Variants in LRRTM4 observed in about 807,000 individuals in gnomAD.
The protein encoded by LRRTM4 is leucine rich repeat transmembrane neuronal 4.
LRRTM4 carries 25 observed loss-of-function variants against 47.6 expected under a neutral mutation model. The ratio of observed to expected loss-of-function variants is 0.53; its 90% confidence interval spans 0.38 to 0.73. The LOEUF (loss-of-function observed/expected upper bound fraction) is 0.73. Among genes scored for constraint, LRRTM4 ranks in the 30% least tolerant of loss-of-function variants. The probability of loss-of-function intolerance (pLI) is 0.00; values close to 1 mark genes in which losing one functional copy is unlikely to be tolerated. For synonymous variants in LRRTM4, 311 were observed against 269.5 expected (o/e 1.15, Z -1.51); for missense variants, 638 against 713.4 (o/e 0.89, Z 1.20).
intron 3 of LRRTM4, among the ~76,000 whole-genome samples, chr2:76,984,381 G>T (rs985288663): frequency 6.6e-6 from 1 of 151,930 alleles, no homozygotes; most frequent in South Asian, 2.1e-4. Context: ...ATTACTAGAT[G>T]TTTATGTCAA....
intron 3 of LRRTM4, among the ~76,000 whole-genome samples, chr2:77,366,781 T>C (rs1276634789): frequency 2.6e-5 from 4 of 151,910 alleles, no homozygotes; most frequent in African/African-American, 4.8e-5. Flanking sequence ...ACTATATTTA[T>C]TAAACATCAT....
At position 77,468,731 on chromosome 2, in the gene LRRTM4, C is replaced by T. The variant is rs138132048; in HGVS notation, c.1551+49587G>A. Among the ~76,000 whole-genome samples the T allele has an allele frequency of 1.0e-3, 155 of 152,230 alleles. 1 individual carries two copies. Among genetic ancestry groups the T allele is most frequent in the African/African-American group, 3.5e-3 (146 of 41,548 alleles). ...TAGAGGGCATCACATACTACCCTGG[C>T]TCTCTCCCTGCTCTCCTCCTGGTGC... On this transcript the variant is annotated intron_variant, in intron 3 of 3. Transcript: ENST00000409884.
intron 3 of LRRTM4, among the ~76,000 whole-genome samples, chr2:77,010,346 AT>A (rs59415402): frequency 0.38 from 58,211 of 151,380 alleles, 11,571 homozygotes; most frequent in East Asian, 0.53. Context: ...TATGAGTTTG[AT>A]TTTTTTTACA....
intron 3 of LRRTM4, among the ~76,000 whole-genome samples, chr2:77,452,301 A>C (rs1445435171): frequency 6.6e-6 from 1 of 152,196 alleles, no homozygotes; most frequent in Admixed American, 6.5e-5. Context: ...GAAGTTGACA[A>C]ACTCAGCATA....
At chr2:77,215,898 C>CT (rs894874651) in intron 3 of LRRTM4, among the ~76,000 whole-genome samples, 2 of 152,114 alleles carry the variant, frequency 1.3e-5, no homozygotes, top group African/African-American at 4.8e-5. Context: ...AGTATTATTT[C>CT]TTTTTAGAAT....
At chr2:77,066,322 A>G (rs1679952780) in intron 3 of LRRTM4, among the ~76,000 whole-genome samples, 1 of 152,224 alleles carries the variant, frequency 6.6e-6, no homozygotes, top group Admixed American at 6.5e-5. Flanking sequence ...AAGTGGATAA[A>G]ACAAAAAAAG....
chr2:77,476,817 G>C (rs925031958), intron 3 of LRRTM4, among the ~76,000 whole-genome samples: 1 of 152,034 alleles, frequency 6.6e-6, no homozygotes, highest in African/African-American at 2.4e-5. Context: ...AAAAAAATAA[G>C]TAAATGGTGG....
chr2:76,802,713 T>C (rs1675765250), intron 3 of LRRTM4, among the ~76,000 whole-genome samples: 1 of 152,074 alleles, frequency 6.6e-6, no homozygotes, highest in African/African-American at 2.4e-5. Flanking sequence ...CTTCAAAGTA[T>C]ACTACAAAGC....
chr2:77,229,945 C>T (rs747141747), intron 3 of LRRTM4, among the ~76,000 whole-genome samples: 1 of 152,064 alleles, frequency 6.6e-6, no homozygotes, highest in South Asian at 2.1e-4. Flanking sequence ...ATTTCTTCAT[C>T]GCATTTACCA....
intron 3 of LRRTM4, among the ~76,000 whole-genome samples, chr2:76,907,114 G>A (rs62170297): frequency 0.36 from 54,512 of 150,412 alleles, 10,794 homozygotes; most frequent in East Asian, 0.71. Flanking sequence ...CTCAGCAAAT[G>A]TAAAAGAACA....
chr2:77,462,996 G>T (rs1035664415), intron 3 of LRRTM4, among the ~76,000 whole-genome samples: 1 of 151,972 alleles, frequency 6.6e-6, no homozygotes, highest in Non-Finnish European at 1.5e-5. Context: ...TTAATTATTT[G>T]ATTCTATCAA....
intron 3 of LRRTM4, among the ~76,000 whole-genome samples, chr2:77,179,644 G>T (rs1376783236): frequency 6.6e-6 from 1 of 152,014 alleles, no homozygotes; most frequent in African/African-American, 2.4e-5. Flanking sequence ...AAAAAAATTA[G>T]ACCATAAAAC....
At chr2:77,377,118 T>C (rs1573332376) in intron 3 of LRRTM4, among the ~76,000 whole-genome samples, 1 of 151,948 alleles carries the variant, frequency 6.6e-6, no homozygotes, top group Non-Finnish European at 1.5e-5. Context: ...ACGTTGCTCC[T>C]GTATCCCACT....
intron 3 of LRRTM4, among the ~76,000 whole-genome samples, chr2:76,792,438 G>A (rs1675026696): frequency 6.6e-6 from 1 of 152,098 alleles, no homozygotes; most frequent in Non-Finnish European, 1.5e-5. Flanking sequence ...AAAACACTCT[G>A]CTGGGAACTA....
At chr2:77,297,536 T>C (rs1391224595) in intron 3 of LRRTM4, among the ~76,000 whole-genome samples, 2 of 152,204 alleles carry the variant, frequency 1.3e-5, no homozygotes, top group Non-Finnish European at 2.9e-5. Flanking sequence ...ATGCGTGAGC[T>C]AGCCAATGTT....
At chr2:76,904,916 T>A (rs970762785) in intron 3 of LRRTM4, among the ~76,000 whole-genome samples, 4 of 152,190 alleles carry the variant, frequency 2.6e-5, no homozygotes, top group Non-Finnish European at 5.9e-5. Flanking sequence ...TAGGAACAGC[T>A]TCGGTCTACA....
intron 3 of LRRTM4, among the ~76,000 whole-genome samples, chr2:76,894,900 T>C (rs1356261323): frequency 1.3e-5 from 2 of 151,518 alleles, no homozygotes; most frequent in South Asian, 2.1e-4. Flanking sequence ...TATCTGCACA[T>C]AGCTATACTA....
rs185424536 is a variant in LRRTM4 at position 76,791,892 on chromosome 2, G to C, written c.1552-42976C>G. 4.0e-4 allele frequency among the ~76,000 whole-genome samples: 61 copies of C among 152,204 alleles called. 1 individual carries two copies. The highest frequency in any genetic ancestry group is 2.6e-3 in the Admixed American group (40 of 15,292). The stretch of plus-strand genomic sequence containing the variant: ...GACTTTCAAACCCCAGAGAATTTTT[G>C]AGGAAAAGCAAAATGAAAAACCAGA... On this transcript the variant is annotated intron_variant, in intron 3 of 3. Coordinates refer to ENST00000409884, the MANE Select transcript of LRRTM4 (RefSeq NM_001134745.3).
At chr2:77,287,976 A>G (rs1480432401) in intron 3 of LRRTM4, among the ~76,000 whole-genome samples, 2 of 152,134 alleles carry the variant, frequency 1.3e-5, no homozygotes, top group African/African-American at 4.8e-5. Flanking sequence ...ATCATTCAAC[A>G]CATCTGTTGT....
Sources: gnomAD v4.1 joint callset for allele counts (sites outside exome capture counted in the v4.1 genomes callset) on GRCh38, gnomAD v4.1.1 for gene constraint, MANE v1.5 for transcripts, NCBI Gene and HGNC (gene_info 2026-07-23, HGNC 2026-07-21) for gene names.